The following XAGE3 variants were observed in gnomAD, a reference collection of about 807,000 sequenced individuals.
XAGE3 encodes the protein CT12.3.
In XAGE3, 6 loss-of-function variants were observed where a neutral mutation model predicts 9.2. That is an observed-to-expected ratio of 0.65 (90% CI 0.36 to 1.29). The LOEUF (loss-of-function observed/expected upper bound fraction) is 1.29. XAGE3 is among the 50% of genes most tolerant of loss of function. The pLI is 0.03. For missense variants in XAGE3, 70 were observed against 82.8 expected (o/e 0.85, Z 0.60); for synonymous variants, 26 against 28.2 (o/e 0.92, Z 0.25).
Position 52,866,458 on chromosome X carries a change from T to C in XAGE3, c.162A>G (p.Glu54=). 1 of 1,211,119 alleles carries C rather than the reference T, an allele frequency of 8.3e-7. No homozygotes were observed. Among genetic ancestry groups the C allele is most frequent in the Non-Finnish European group, 1.1e-6 (1 of 895,268 alleles). ...CTTGAGTCTCAGCTGCACCCTGATC[T>C]TCTTCTCTCTCCTGACCAGGTGCAG... ...RDPAPGQERE[E]DQGAAETQVP... The change falls in exon 3 of 5, where the codon GAA becomes GAG. Residue 54 remains glutamate, a synonymous_variant. Coordinates refer to ENST00000346279, the MANE Select transcript of XAGE3 (RefSeq NM_133179.3).
chrX:52,863,486 G>A (rs1556784037), intron 4 of XAGE3, among the ~76,000 whole-genome samples: 1 of 111,990 alleles, frequency 8.9e-6, no homozygotes, highest in Non-Finnish European at 1.9e-5. Flanking sequence ...TAAAAGTTAA[G>A]TGTTTTTGAG....
chrX:52,867,013 C>T, intron 2 of XAGE3, 40 bp downstream of exon 2: 1 of 1,169,624 alleles, frequency 8.5e-7, no homozygotes, highest in Non-Finnish European at 1.2e-6. Context: ...ACAAAAATAA[C>T]TTTCTGCTAA....
At chrX:52,866,664 C>T in intron 2 of XAGE3, 126 bp from the exon 3 acceptor site, 1 of 586,195 alleles carries the variant, frequency 1.7e-6, no homozygotes, top group Non-Finnish European at 2.7e-6. Flanking sequence ...AAAGACATTT[C>T]TCCAACACGA....
chrX:52,867,679 T>C (rs1382401488), intron 1 of XAGE3, among the ~76,000 whole-genome samples: 2 of 110,676 alleles, frequency 1.8e-5, no homozygotes, highest in African/African-American at 3.3e-5. Flanking sequence ...ATGCCCACCC[T>C]GCTCCTTCCC....
At position 52,864,814 on chromosome X, in the gene XAGE3, T is replaced by C; in HGVS notation, c.274A>G (p.Ile92Val). 8.3e-7 allele frequency: 1 copy of C among 1,211,489 alleles called. No homozygotes were observed. The highest frequency in any genetic ancestry group is 1.1e-6 in the Non-Finnish European group (1 of 895,132). Reference sequence around the variant, plus strand: ...TTAAATTGTTCTGATTTTGGCAGAATCTTCCCCTGGTCATCAGGACCATTT... The same window carrying C: ...TTAAATTGTTCTGATTTTGGCAGAACCTTCCCCTGGTCATCAGGACCATTT... ...CGNGPDDQGK[I>V]LPKSEQFKMP... The change falls in exon 4 of 5, where the codon ATT (isoleucine) becomes GTT (valine). Residue 92 changes from isoleucine to valine, a missense_variant. Transcript: ENST00000346279.
chrX:52,867,041 T>G lies in XAGE3; in HGVS notation c.81+12A>C, dbSNP rs1927907038. The G allele has an allele frequency of 8.3e-7, 1 of 1,206,401 alleles. No homozygotes were observed. Among genetic ancestry groups the G allele is most frequent in the African/African-American group, 1.7e-5 (1 of 57,540 alleles). Reference sequence around the variant, plus strand: ...TCTGCTAATAGAAAACATCAAAGGTTAAGGCACTCACCAGCATAGGCCCAA... The same window carrying G: ...TCTGCTAATAGAAAACATCAAAGGTGAAGGCACTCACCAGCATAGGCCCAA... On this transcript the variant is annotated intron_variant, in intron 2 of 4. Transcript: ENST00000346279.
At chrX:52,865,238 A>G (rs1339754359) in intron 3 of XAGE3, among the ~76,000 whole-genome samples, 1 of 111,855 alleles carries the variant, frequency 8.9e-6, no homozygotes, top group Admixed American at 9.5e-5. Context: ...AGATGAATAT[A>G]TTGGTGAGCC....
Position 52,864,757 on chromosome X carries a change from T to C in XAGE3, c.313+18A>G. On this transcript the variant is annotated intron_variant, in intron 4 of 4. Coordinates refer to ENST00000346279, the MANE Select transcript of XAGE3 (RefSeq NM_133179.3). ...AATATTGTGGAAAACAGAAAGCACATAATAATGGATAGCATACCTCCTTCT... is the reference window on the plus strand; with the variant it reads ...AATATTGTGGAAAACAGAAAGCACACAATAATGGATAGCATACCTCCTTCT... The C allele has an allele frequency of 8.3e-7, 1 of 1,209,166 alleles. No individual in the cohort carries two copies. The highest frequency in any genetic ancestry group is 1.1e-6 in the Non-Finnish European group (1 of 893,473).
At chrX:52,865,166 C>A (rs1556784292) in intron 3 of XAGE3, among the ~76,000 whole-genome samples, 2 of 111,204 alleles carry the variant, frequency 1.8e-5, no homozygotes, top group East Asian at 5.6e-4. Context: ...ATCTAGGAAA[C>A]CTAAAGACTG....
Position 52,862,588 on chromosome X carries a change from CA to C in XAGE3, c.*29del. The C allele has an allele frequency of 6.6e-6, 8 of 1,206,541 alleles. No homozygotes were observed. The highest frequency in any genetic ancestry group is 9.0e-6 in the Non-Finnish European group (8 of 893,033). ...TTAAGTCAAATATCTTAGATAAAAA[CA>C]GTTTTGTGTTGTTTCAGCTTGTCTT... On this transcript the variant is annotated 3_prime_UTR_variant, in exon 5 of 5. Transcript: ENST00000346279.
intron 4 of XAGE3, among the ~76,000 whole-genome samples, chrX:52,864,015 T>C (rs1245831922): frequency 8.9e-6 from 1 of 112,184 alleles, no homozygotes; most frequent in Non-Finnish European, 1.9e-5. Context: ...TTGAAAACTA[T>C]CTTTCATGTA....
intron 4 of XAGE3, 131 bp from the exon 5 acceptor site, chrX:52,862,771 A>G (rs1315218183): frequency 1.2e-6 from 1 of 807,995 alleles, no homozygotes; most frequent in African/African-American, 2.2e-5. Flanking sequence ...GAGTAACCTG[A>G]TGGCTAACAT....
At position 52,867,124 on chromosome X, in the gene XAGE3, G is replaced by A. The variant is rs781784978; in HGVS notation, c.10C>T (p.Arg4Ter). The A allele has an allele frequency of 7.5e-6, 9 of 1,205,012 alleles. No individual in the cohort carries two copies. In the African/African-American group the frequency reaches 8.7e-5, roughly 12 times the overall value. The change falls in exon 2 of 5, where the codon CGA becomes TGA. Residue 4 changes from arginine to a stop codon, truncating the protein, a stop_gained. Coordinates refer to ENST00000346279, the MANE Select transcript of XAGE3 (RefSeq NM_133179.3). LOFTEE classifies it high-confidence loss of function. MIW[R>*]GRSTYRPRPR... ...CTAGGCCTATATGTTGATCTTCCTC[G>A]CCAAATCATATTTCACACTGCAAAC...
intron 1 of XAGE3, chrX:52,867,438 A>T (rs782143542): frequency 6.5e-5 from 16 of 244,523 alleles, no homozygotes; most frequent in Non-Finnish European, 1.1e-4. Context: ...CAGCCAGAGA[A>T]TTAAAACTGC....
chrX:52,867,788 G>A (rs1927930508), intron 1 of XAGE3, among the ~76,000 whole-genome samples: 1 of 110,752 alleles, frequency 9.0e-6, no homozygotes, highest in Non-Finnish European at 1.9e-5. Flanking sequence ...ATTTTCACCT[G>A]ACCCCTCTCA....
chrX:52,863,502 A>T (rs1927810693), intron 4 of XAGE3, among the ~76,000 whole-genome samples: 1 of 112,233 alleles, frequency 8.9e-6, no homozygotes. Flanking sequence ...TTGAGGGATA[A>T]GTGGGAACTT....
At position 52,866,417 on chromosome X, in the gene XAGE3, T is replaced by C. The variant is rs1927886101; in HGVS notation, c.187+16A>G. 1.7e-6 allele frequency: 2 copies of C among 1,206,987 alleles called. No individual in the cohort carries two copies. Among genetic ancestry groups the C allele is most frequent in the South Asian group, 1.8e-5 (1 of 56,798 alleles). On this transcript the variant is annotated intron_variant, in intron 3 of 4. Coordinates refer to ENST00000346279, the MANE Select transcript of XAGE3 (RefSeq NM_133179.3). ...CTCCCCTCCCCATAGACATTCTTTCTTTCCCTTCCCAGCACCTTGAGTCTC... is the reference window on the plus strand; with the variant it reads ...CTCCCCTCCCCATAGACATTCTTTCCTTCCCTTCCCAGCACCTTGAGTCTC...
In XAGE3 at chrX:52,864,867, G is replaced by A. The variant is rs1420259682; in HGVS notation, c.221C>T (p.Ser74Phe). Residue 74 changes from serine (S) to phenylalanine (F), a missense_variant, in exon 4 of 5, where the codon TCT becomes TTT. By Grantham distance (155) the Ser-to-Phe change is radical. Transcript: ENST00000346279. ...PDLEADLQEL[S>F]QSKTGGECGN... Reference sequence around the variant, plus strand: ...ACATTCACCCCCAGTCTTTGACTGAGACAGCTCCTGGAGATCAGCTTCCAG... The same window carrying A: ...ACATTCACCCCCAGTCTTTGACTGAAACAGCTCCTGGAGATCAGCTTCCAG... The A allele has an allele frequency of 1.7e-6, 2 of 1,209,554 alleles. No homozygotes were observed. The highest frequency in any genetic ancestry group is 4.4e-5 in the Admixed American group (2 of 45,646).
At chrX:52,866,958 G>T in intron 2 of XAGE3, 95 bp downstream of exon 2, 2 of 899,411 alleles carry the variant, frequency 2.2e-6, no homozygotes, top group Non-Finnish European at 3.3e-6. Flanking sequence ...ATCTATACTG[G>T]TTCAACAACA....
Sources: allele counts gnomAD v4.1 joint callset (sites outside exome capture counted in the v4.1 genomes callset), GRCh38; gene constraint gnomAD v4.1.1; transcripts MANE v1.5; gene names NCBI Gene and HGNC (gene_info 2026-07-23, HGNC 2026-07-21).